The following RIT2 variants were observed in gnomAD, a reference collection of about 807,000 sequenced individuals.
RIT2 encodes Ras like without CAAX 2.
RIT2 carries 24 observed loss-of-function variants against 23.7 expected under a neutral mutation model. The observed-to-expected ratio is 1.01, with a 90% CI of 0.73 to 1.43. The LOEUF is 1.43. Among genes scored for constraint, RIT2 ranks in the 40% most tolerant of loss-of-function variants. RIT2 has a pLI of 0.00. For synonymous variants in RIT2, 107 were observed against 91.1 expected (o/e 1.17, Z -0.99); for missense variants, 236 against 266.9 (o/e 0.88, Z 0.81).
intron 1 of RIT2, among the ~76,000 whole-genome samples, chr18:43,048,218 G>A (rs1912294017): frequency 6.6e-6 from 1 of 152,118 alleles, no homozygotes; most frequent in South Asian, 2.1e-4. Flanking sequence ...ACTGATGTCA[G>A]GCTCCTGTTT....
intron 2 of RIT2, among the ~76,000 whole-genome samples, chr18:42,975,217 G>A (rs1425806858): frequency 6.6e-6 from 1 of 151,982 alleles, no homozygotes; most frequent in Admixed American, 6.6e-5. Context: ...ATTAGTGATG[G>A]TGACATAAAG....
At chr18:42,796,308 G>A (rs1241307120) in intron 4 of RIT2, among the ~76,000 whole-genome samples, 1 of 152,060 alleles carries the variant, frequency 6.6e-6, no homozygotes, top group East Asian at 1.9e-4. Context: ...TCACTCCTGA[G>A]CCAGCGAGAC....
At chr18:42,857,019 G>A (rs113681776) in intron 4 of RIT2, among the ~76,000 whole-genome samples, 23 of 151,736 alleles carry the variant, frequency 1.5e-4, no homozygotes, top group Admixed American at 3.3e-4. Context: ...TAGTAGAGAC[G>A]GGGTTTCACC....
At chr18:43,092,958 C>T (rs1006322993) in intron 1 of RIT2, among the ~76,000 whole-genome samples, 7 of 151,906 alleles carry the variant, frequency 4.6e-5, no homozygotes, top group Admixed American at 1.3e-4. Context: ...TTAGCTAATA[C>T]GAGCTTTGAC....
chr18:42,853,845 T>C (rs2144039920), intron 4 of RIT2, among the ~76,000 whole-genome samples: 1 of 152,340 alleles, frequency 6.6e-6, no homozygotes, highest in South Asian at 2.1e-4. Context: ...TAAAAATAGG[T>C]TGCAATGCAT....
At chr18:42,895,488 G>C (rs1037291399) in intron 4 of RIT2, among the ~76,000 whole-genome samples, 1 of 151,708 alleles carries the variant, frequency 6.6e-6, no homozygotes, top group Non-Finnish European at 1.5e-5. Flanking sequence ...CTGTTCTATC[G>C]ATCTCCAAAT....
At position 43,007,160 on chromosome 18, in the gene RIT2, A is replaced by C. The variant is rs1177785373; in HGVS notation, c.160+26651T>G. The stretch of plus-strand genomic sequence containing the variant: ...ATAAGCCCCTTCTTGATAAAATGAT[A>C]TAGAAGGAACTTCAGATGACTCACA... On this transcript the variant is annotated intron_variant, in intron 2 of 4. Coordinates refer to ENST00000326695, the MANE Select transcript of RIT2 (RefSeq NM_002930.4). Among the ~76,000 whole-genome samples, 3 of 151,726 alleles carry C rather than the reference A, an allele frequency of 2.0e-5. No homozygotes were observed. The East Asian group carries it at 5.8e-4, about 29-fold the overall frequency.
At chr18:42,938,507 G>C (rs1909517290) in intron 3 of RIT2, among the ~76,000 whole-genome samples, 1 of 152,050 alleles carries the variant, frequency 6.6e-6, no homozygotes, top group African/African-American at 2.4e-5. Flanking sequence ...TAAAAACACT[G>C]TCCTTTAAAG....
At chr18:42,804,509 TGCGC>T (rs1905624034) in intron 4 of RIT2, among the ~76,000 whole-genome samples, 1 of 142,922 alleles carries the variant, frequency 7.0e-6, no homozygotes, top group African/African-American at 2.6e-5. Context: ...GAGCTGAGAT[TGCGC>T]CACTGCACTC....
intron 4 of RIT2, among the ~76,000 whole-genome samples, chr18:42,910,970 A>G (rs1908755210): frequency 6.6e-6 from 1 of 152,146 alleles, no homozygotes; most frequent in Non-Finnish European, 1.5e-5. Flanking sequence ...CACTATAACC[A>G]TCTACAGCAG....
intron 2 of RIT2, among the ~76,000 whole-genome samples, chr18:42,989,808 A>G (rs1437451001): frequency 6.6e-6 from 1 of 152,188 alleles, no homozygotes; most frequent in African/African-American, 2.4e-5. Flanking sequence ...CAAAATAATA[A>G]TTTAAAATAT....
chr18:42,812,318 G>A (rs979690107), intron 4 of RIT2, among the ~76,000 whole-genome samples: 5 of 152,126 alleles, frequency 3.3e-5, no homozygotes, highest in Admixed American at 1.3e-4. Flanking sequence ...CTCAGCTTGT[G>A]TCTCTTAGTG....
chr18:42,886,595 T>C (rs1908028498), intron 4 of RIT2, among the ~76,000 whole-genome samples: 1 of 152,198 alleles, frequency 6.6e-6, no homozygotes, highest in African/African-American at 2.4e-5. Flanking sequence ...ACTGGGCACA[T>C]AAGTTGTACT....
At chr18:42,822,860 G>A (rs1906190907) in intron 4 of RIT2, among the ~76,000 whole-genome samples, 1 of 152,114 alleles carries the variant, frequency 6.6e-6, no homozygotes, top group African/African-American at 2.4e-5. Context: ...AATTCAAAAT[G>A]CAAAAACACT....
In RIT2 at chr18:42,878,451, A is replaced by C. The variant is rs542188975; in HGVS notation, c.426+45121T>G. Among the ~76,000 whole-genome samples the C allele has an allele frequency of 1.3e-4, 20 of 152,082 alleles. No individual in the cohort carries two copies. The South Asian group carries it at 4.1e-3, about 32-fold the overall frequency. On this transcript the variant is annotated intron_variant, in intron 4 of 4. Coordinates refer to ENST00000326695, the MANE Select transcript of RIT2 (RefSeq NM_002930.4). ...TGTCTTCAGGTTGAGTAGGCTGAGA[A>C]GGAGGAGGAAGAGGAGAGGCTGGTC...
At chr18:43,068,431 T>C (rs1299165246) in intron 1 of RIT2, among the ~76,000 whole-genome samples, 1 of 152,078 alleles carries the variant, frequency 6.6e-6, no homozygotes, top group Non-Finnish European at 1.5e-5. Flanking sequence ...GCTTTGACAA[T>C]AGCAGAAACC....
chr18:42,875,687 A>G (rs564482055), intron 4 of RIT2, among the ~76,000 whole-genome samples: 1 of 152,148 alleles, frequency 6.6e-6, no homozygotes, highest in South Asian at 2.1e-4. Context: ...ATAGCTTCAG[A>G]AAAAATGGAA....
chr18:42,752,251 T>C (rs1913062673), intron 4 of RIT2, among the ~76,000 whole-genome samples: 1 of 152,142 alleles, frequency 6.6e-6, no homozygotes, highest in African/African-American at 2.4e-5. Flanking sequence ...AGCTTCCATA[T>C]TAGAATTGAG....
chr18:42,954,822 C>G (rs1310789240), intron 3 of RIT2, among the ~76,000 whole-genome samples: 1 of 152,086 alleles, frequency 6.6e-6, no homozygotes, highest in Non-Finnish European at 1.5e-5. Flanking sequence ...TTTATCCTTT[C>G]AAAAATATGT....
Sources: gnomAD v4.1 joint callset for allele counts (sites outside exome capture counted in the v4.1 genomes callset) on GRCh38, gnomAD v4.1.1 for gene constraint, MANE v1.5 for transcripts, NCBI Gene and HGNC (gene_info 2026-07-23, HGNC 2026-07-21) for gene names.